The following KBTBD3 variants were observed in gnomAD, a reference collection of about 807,000 sequenced individuals.
KBTBD3 encodes kelch repeat and BTB domain-containing protein 3.
In KBTBD3, 38 loss-of-function variants were observed where a neutral mutation model predicts 49.6. That is an observed-to-expected ratio of 0.77 (90% confidence interval 0.59 to 1.00). The LOEUF is 1.00. Among genes scored for constraint, KBTBD3 ranks in the 50% least tolerant of loss-of-function variants. The pLI is 0.00. For synonymous variants in KBTBD3, 214 were observed against 250.4 expected, an observed-to-expected ratio of 0.85 and a Z score of 1.37; for missense variants, 661 against 712.0, an observed-to-expected ratio of 0.93 and a Z score of 0.81.
chr11:106,059,550 T>C (rs893666116), intron 2 of KBTBD3, among the ~76,000 whole-genome samples: 9 of 152,226 alleles, frequency 5.9e-5, no homozygotes, highest in African/African-American at 1.4e-4. Context: ...TCTTGGACCA[T>C]AGACTATATG....
In KBTBD3 at chr11:106,074,121, C is replaced by A. The variant is rs78179415; in HGVS notation, c.-13+2386G>T. Among the ~76,000 whole-genome samples, 486 of 148,776 alleles carry A rather than the reference C, an allele frequency of 3.3e-3. 8 individuals carry two copies. Among genetic ancestry groups the A allele is most frequent in the South Asian group, 0.022 (104 of 4,630 alleles). On this transcript the variant is annotated intron_variant, in intron 2 of 3. Transcript: ENST00000531837. Reference sequence around the variant, plus strand: ...CTTTAGAATGCCGAACACCCCCCCCCACACACATACCCCTTCCTTCTCATA... The same window carrying A: ...CTTTAGAATGCCGAACACCCCCCCCAACACACATACCCCTTCCTTCTCATA...
At chr11:106,069,422 C>T (rs1860875108) in intron 2 of KBTBD3, among the ~76,000 whole-genome samples, 2 of 151,276 alleles carry the variant, frequency 1.3e-5, no homozygotes, top group Admixed American at 6.6e-5. Flanking sequence ...GAGCATCACA[C>T]GAAAATCAAT....
At chr11:106,063,976 G>C (rs1390965423) in intron 2 of KBTBD3, among the ~76,000 whole-genome samples, 1 of 152,124 alleles carries the variant, frequency 6.6e-6, no homozygotes, top group Non-Finnish European at 1.5e-5. Context: ...ATAAGTGGAA[G>C]TTAAGGCTTA....
rs1375718068 is a variant in KBTBD3, at chr11:106,058,753, T to TTTTTTTTTTTTTTTTTTA, written c.233+111_233+112insTAAAAAAAAAAAAAAAAA. 4 of 699,108 alleles carry TTTTTTTTTTTTTTTTTTA rather than the reference T, an allele frequency of 5.7e-6. No individual in the cohort carries two copies. In the African/African-American group the frequency reaches 7.7e-5, roughly 14 times the overall value. 43.3% of individuals were successfully genotyped at this position (699,108 alleles called of 1,614,324 possible). ...TAGGTTTTGTTTTTGTTTTTTTTTT[T>TTTTTTTTTTTTTTTTTTA]AGAATTAAAAATTACTGTTGCATGT... On this transcript the variant is annotated intron_variant, in intron 3 of 3. Transcript: ENST00000531837.
At position 106,053,506 on chromosome 11, in the gene KBTBD3, T is replaced by C; in HGVS notation, c.1183A>G (p.Met395Val). Residue 395 changes from methionine to valine, a missense_variant, in exon 4 of 4, where the codon ATG (methionine) becomes GTG (valine). Physicochemically the swap from Met to Val is conservative, Grantham distance 21 (BLOSUM62 1). Transcript: ENST00000531837. Reference sequence around the variant, plus strand: ...TCGAGAGCCATAACTGATGTATGCATGGTTCTTGGTGTTTTCATAGTTGAT... The same window carrying C: ...TCGAGAGCCATAACTGATGTATGCACGGTTCTTGGTGTTTTCATAGTTGAT... ...LVSTMKTPRT[M>V]HTSVMALDRL... 1 of 1,613,836 alleles carries C rather than the reference T, an allele frequency of 6.2e-7. No homozygotes were observed.
intron 2 of KBTBD3, chr11:106,075,876 A>T (rs766452258): frequency 1.3e-5 from 2 of 152,212 alleles, no homozygotes; most frequent in African/African-American, 2.4e-5. Context: ...CTGTCTGTGT[A>T]TTAGGCTCCA....
At position 106,061,857 on chromosome 11, in the gene KBTBD3, A is replaced by G. The variant is rs118062432; in HGVS notation, c.-12-2748T>C. ...ATACATATGTATAGTACAAATACAT[A>G]TACATATATGTGTGTGTGTATATAT... On this transcript the variant is annotated intron_variant, in intron 2 of 3. Transcript: ENST00000531837. Among the ~76,000 whole-genome samples, 442 of 151,928 alleles carry G rather than the reference A, an allele frequency of 2.9e-3. 2 individuals carry two copies. Among genetic ancestry groups the G allele is most frequent in the Non-Finnish European group, 5.0e-3 (339 of 68,018 alleles).
At chr11:106,058,764 A>C (rs1215924446) in intron 3 of KBTBD3, 101 bp downstream of exon 3, 5 of 712,734 alleles carry the variant, frequency 7.0e-6, no homozygotes, top group Admixed American at 3.6e-5. Context: ...AGAATTAAAA[A>C]TTACTGTTGC....
chr11:106,051,804 A>G lies in KBTBD3; in HGVS notation c.*1046T>C, dbSNP rs1309872619. On this transcript the variant is annotated 3_prime_UTR_variant, in exon 4 of 4. Transcript: ENST00000531837. ...CAAGTCATTTTTTTTAATTTAGAAA[A>G]TAATTCACTAAGAATAATTTACTGA... 2.6e-5 allele frequency: 4 copies of G among 151,850 alleles called. No individual in the cohort carries two copies. Among genetic ancestry groups the G allele is most frequent in the Non-Finnish European group, 5.9e-5 (4 of 67,832 alleles). The allele number at this position is 151,850 out of a possible 1,614,324, so 9.4% of individuals were successfully genotyped here. A position where few individuals can be genotyped will look rare whatever the true frequency, so the allele number is the denominator to read the frequency against.
In KBTBD3 at chr11:106,051,131, C is replaced by G. The variant is rs1178810992; in HGVS notation, c.*1719G>C. On this transcript the variant is annotated 3_prime_UTR_variant, in exon 4 of 4. Transcript: ENST00000531837. ...GAAAACAATATTTATTTTAAACATACTCTATTAATATATATCCTTAAATTA... is the reference window on the plus strand; with the variant it reads ...GAAAACAATATTTATTTTAAACATAGTCTATTAATATATATCCTTAAATTA... 1 of 151,902 alleles carries G rather than the reference C, an allele frequency of 6.6e-6. No individual in the cohort carries two copies. The highest frequency in any genetic ancestry group is 1.5e-5 in the Non-Finnish European group (1 of 67,868). 9.4% of individuals were successfully genotyped at this position (151,902 alleles called of 1,614,324 possible). A position where few individuals can be genotyped will look rare whatever the true frequency, so the allele number is the denominator to read the frequency against.
intron 2 of KBTBD3, among the ~76,000 whole-genome samples, chr11:106,069,871 A>G (rs1203258740): frequency 2.0e-4 from 31 of 152,110 alleles, no homozygotes; most frequent in Admixed American, 2.0e-3. Context: ...TACTATAGCT[A>G]TGGTAATCAA....
intron 2 of KBTBD3, among the ~76,000 whole-genome samples, chr11:106,070,228 A>C (rs185906273): frequency 1.9e-3 from 294 of 152,158 alleles, no homozygotes; most frequent in Non-Finnish European, 3.4e-3. Flanking sequence ...CATAACACAT[A>C]AATGAAAAAA....
chr11:106,071,910 A>G (rs1233244790), intron 2 of KBTBD3, among the ~76,000 whole-genome samples: 1 of 152,196 alleles, frequency 6.6e-6, no homozygotes, highest in African/African-American at 2.4e-5. Flanking sequence ...AAAATCAATA[A>G]CATTATTAAC....
chr11:106,069,195 T>C (rs1478408710), intron 2 of KBTBD3, among the ~76,000 whole-genome samples: 1 of 152,100 alleles, frequency 6.6e-6, no homozygotes, highest in East Asian at 1.9e-4. Flanking sequence ...TTCACACTTA[T>C]TTAGAAGTAT....
At chr11:106,055,170 A>C (rs1591533335) in intron 3 of KBTBD3, among the ~76,000 whole-genome samples, 2 of 152,172 alleles carry the variant, frequency 1.3e-5, no homozygotes, top group African/African-American at 4.8e-5. Context: ...CTTCATAATA[A>C]GTTTTGTTTT....
chr11:106,053,501 A>T lies in KBTBD3; in HGVS notation c.1188T>A (p.His396Gln). Residue 396 changes from histidine (H) to glutamine (Q), a missense_variant, in exon 4 of 4, where the codon CAT (histidine) becomes CAA (glutamine). By Grantham distance (24) the His-to-Gln change is conservative. Transcript: ENST00000531837. Reference protein sequence around the residue: ...VSTMKTPRTMHTSVMALDRLF... With the variant: ...VSTMKTPRTMQTSVMALDRLF... Reference sequence around the variant, plus strand: ...ATCTATCGAGAGCCATAACTGATGTATGCATGGTTCTTGGTGTTTTCATAG... The same window carrying T: ...ATCTATCGAGAGCCATAACTGATGTTTGCATGGTTCTTGGTGTTTTCATAG... 6.2e-7 allele frequency: 1 copy of T among 1,613,826 alleles called. No homozygotes were observed. The highest frequency in any genetic ancestry group is 1.1e-5 in the South Asian group (1 of 91,068).
At chr11:106,076,172 T>C (rs1193131288) in intron 2 of KBTBD3, 1 of 152,236 alleles carries the variant, frequency 6.6e-6, no homozygotes, top group Non-Finnish European at 1.5e-5. Flanking sequence ...CACTTACGTA[T>C]CTTTACACTG....
Position 106,059,247 on chromosome 11 carries a change from T to C in KBTBD3, c.-12-138A>G, listed in dbSNP as rs897001847. On this transcript the variant is annotated intron_variant, in intron 2 of 3. Transcript: ENST00000531837. ...AGACAGTAAAACTTGTTTTAAACAT[T>C]TGTTTTCCTGACATTTAATATTAAA... 12 of 559,466 alleles carry C rather than the reference T, an allele frequency of 2.1e-5. No homozygotes were observed. In the African/African-American group the frequency reaches 2.4e-4, roughly 11 times the overall value. The allele number at this position is 559,466 out of a possible 1,614,324, so 34.7% of individuals were successfully genotyped here. A position where few individuals can be genotyped will look rare whatever the true frequency, so the allele number is the denominator to read the frequency against.
intron 2 of KBTBD3, among the ~76,000 whole-genome samples, chr11:106,061,792 ATATT>A (rs1200925789): frequency 6.6e-6 from 1 of 151,954 alleles, no homozygotes; most frequent in Non-Finnish European, 1.5e-5. Context: ...CCATATATAT[ATATT>A]ACAAACACAT....
Sources: gnomAD v4.1 joint callset for allele counts (sites outside exome capture counted in the v4.1 genomes callset) on GRCh38, gnomAD v4.1.1 for gene constraint, MANE v1.5 for transcripts, NCBI Gene and HGNC (gene_info 2026-07-23, HGNC 2026-07-21) for gene names.